CD48: variants seen among roughly 807,000 people sequenced by gnomAD.
CD48 encodes CD48 antigen.
In CD48, 20 loss-of-function variants were observed where a neutral mutation model predicts 22.0. The observed-to-expected ratio is 0.91, with a 90% CI of 0.64 to 1.32. CD48 has a LOEUF of 1.32. Among genes scored for constraint, CD48 ranks in the 40% most tolerant of loss-of-function variants. CD48 has a pLI of 0.00. For missense variants in CD48, 307 were observed against 286.5 expected (o/e 1.07, Z -0.52); for synonymous variants, 110 against 110.1 (o/e 1.00, Z 0.01).
Position 160,682,377 on chromosome 1 carries a change from T to A in CD48, c.386-909A>T, listed in dbSNP as rs575400537. Among the ~76,000 whole-genome samples the A allele has an allele frequency of 9.3e-5, 14 of 150,708 alleles. No individual in the cohort carries two copies. The South Asian group carries it at 2.7e-3, about 29-fold the overall frequency. On this transcript the variant is annotated intron_variant, in intron 2 of 3. Coordinates refer to ENST00000368046, the MANE Select transcript of CD48 (RefSeq NM_001778.4). ...TACTCAGGAGGCTGAGGTAGGAGGA[T>A]TGCTGGAGCCCAGGAGTTCCAGGGT...
At position 160,691,068 on chromosome 1, in the gene CD48, C is replaced by T. The variant is rs1386041159; in HGVS notation, c.83-5879G>A. Among the ~76,000 whole-genome samples, 4 of 152,132 alleles carry T rather than the reference C, an allele frequency of 2.6e-5. No individual in the cohort carries two copies. The East Asian group carries it at 7.7e-4, about 29-fold the overall frequency. On this transcript the variant is annotated intron_variant, in intron 1 of 3. Coordinates refer to ENST00000368046, the MANE Select transcript of CD48 (RefSeq NM_001778.4). ...CTCCCTAATCTCAAGTACCCAGGGA[C>T]ACAAAAACTGCGGAAGCCTGCAGGG...
At chr1:160,700,586 G>C (rs1662596202) in intron 1 of CD48, among the ~76,000 whole-genome samples, 1 of 152,088 alleles carries the variant, frequency 6.6e-6, no homozygotes, top group South Asian at 2.1e-4. Context: ...CTAGATAACT[G>C]GGCAGTCTGG....
intron 3 of CD48, chr1:160,680,916 G>A (rs1260413754): frequency 5.6e-6 from 8 of 1,425,854 alleles, no homozygotes; most frequent in South Asian, 4.6e-5. Context: ...GGCCTCAGAT[G>A]TTAGGACTAT....
intron 1 of CD48, among the ~76,000 whole-genome samples, chr1:160,709,937 A>G (rs1433668317): frequency 6.6e-6 from 1 of 152,184 alleles, no homozygotes. Flanking sequence ...TGAGGTTCCC[A>G]TCTAACCATG....
chr1:160,710,356 G>GT (rs1226250040), intron 1 of CD48, among the ~76,000 whole-genome samples: 1 of 152,186 alleles, frequency 6.6e-6, no homozygotes, highest in Non-Finnish European at 1.5e-5. Context: ...CTGACACACA[G>GT]TAAGTGCTTA....
intron 1 of CD48, among the ~76,000 whole-genome samples, chr1:160,696,348 G>A (rs1368049115): frequency 6.6e-6 from 1 of 152,294 alleles, no homozygotes; most frequent in Non-Finnish European, 1.5e-5. Flanking sequence ...AGTTAAACCA[G>A]CTATTCAATT....
At chr1:160,700,968 T>A (rs1404402695) in intron 1 of CD48, among the ~76,000 whole-genome samples, 1 of 152,028 alleles carries the variant, frequency 6.6e-6, no homozygotes, top group East Asian at 1.9e-4. Flanking sequence ...AATTAAAATA[T>A]CATCAATATA....
At chr1:160,700,806 T>C (rs991189600) in intron 1 of CD48, among the ~76,000 whole-genome samples, 10 of 152,298 alleles carry the variant, frequency 6.6e-5, no homozygotes, top group Admixed American at 5.2e-4. Flanking sequence ...TTTGAACTTT[T>C]TGAGGTTGAA....
In CD48 at chr1:160,686,971, T is replaced by A. The variant is rs80097561; in HGVS notation, c.83-1782A>T. Among the ~76,000 whole-genome samples the A allele has an allele frequency of 2.8e-3, 432 of 152,284 alleles. 2 individuals carry two copies. Among genetic ancestry groups the A allele is most frequent in the African/African-American group, 9.9e-3 (411 of 41,546 alleles). On this transcript the variant is annotated intron_variant, in intron 1 of 3. Coordinates refer to ENST00000368046, the MANE Select transcript of CD48 (RefSeq NM_001778.4). ...ATCAACCAGTCTGACCAAAATTTATTAGGCAGGAGTTTTCTCTTCCTAATA... is the reference window on the plus strand; with the variant it reads ...ATCAACCAGTCTGACCAAAATTTATAAGGCAGGAGTTTTCTCTTCCTAATA...
chr1:160,693,396 A>G (rs1478399425), intron 1 of CD48, among the ~76,000 whole-genome samples: 1 of 152,220 alleles, frequency 6.6e-6, no homozygotes, highest in East Asian at 1.9e-4. Context: ...GCAGGATCAG[A>G]TGTAATCTCA....
Position 160,681,136 on chromosome 1 carries a change from C to G in CD48, c.652+66G>C, listed in dbSNP as rs771834935. 2.5e-6 allele frequency: 4 copies of G among 1,612,448 alleles called. No homozygotes were observed. In the African/African-American group the frequency reaches 4.0e-5, roughly 16 times the overall value. On this transcript the variant is annotated intron_variant, in intron 3 of 3. Coordinates refer to ENST00000368046, the MANE Select transcript of CD48 (RefSeq NM_001778.4). The stretch of plus-strand genomic sequence containing the variant: ...CAAGGAGGCTGAATAGGACCCCCAG[C>G]CTTTCTTTGTTCAAAACAACTCCAG...
Position 160,678,759 on chromosome 1 carries a change from C to T in CD48, c.*293G>A, listed in dbSNP as rs1126644. Reference sequence around the variant, plus strand: ...CAACTTCAGGAATTCAGTTAATTGACAATTATATCAAATGTTTATTTTAAA... The same window carrying T: ...CAACTTCAGGAATTCAGTTAATTGATAATTATATCAAATGTTTATTTTAAA... On this transcript the variant is annotated 3_prime_UTR_variant, in exon 4 of 4. Coordinates refer to ENST00000368046, the MANE Select transcript of CD48 (RefSeq NM_001778.4). The T allele has an allele frequency of 0.76, 188,310 of 247,558 alleles. 72,184 individuals are homozygous for T. Among genetic ancestry groups the T allele is most frequent in the African/African-American group, 0.81 (35,645 of 44,026 alleles). 15.3% of individuals were successfully genotyped at this position (247,558 alleles called of 1,614,324 possible). A position where few individuals can be genotyped will look rare whatever the true frequency, so the allele number is the denominator to read the frequency against.
chr1:160,684,287 A>T (rs1661911053), intron 2 of CD48: 1 of 153,936 alleles, frequency 6.5e-6, no homozygotes, highest in African/African-American at 2.4e-5. Flanking sequence ...CTATCAAAAG[A>T]ATCTTACCTA....
At chr1:160,685,832 A>G (rs1184515195) in intron 1 of CD48, among the ~76,000 whole-genome samples, 1 of 152,242 alleles carries the variant, frequency 6.6e-6, no homozygotes, top group African/African-American at 2.4e-5. Context: ...AGCCTTCCTA[A>G]TGAAGAGCCA....
chr1:160,698,464 A>T (rs200903590), intron 1 of CD48, among the ~76,000 whole-genome samples: 8 of 152,156 alleles, frequency 5.3e-5, no homozygotes, highest in Non-Finnish European at 8.8e-5. Context: ...CAGGAGTTGC[A>T]TTGCACTCTT....
At position 160,704,693 on chromosome 1, in the gene CD48, T is replaced by C. The variant is rs992974086; in HGVS notation, c.82+6989A>G. Among the ~76,000 whole-genome samples the C allele has an allele frequency of 7.2e-5, 11 of 152,360 alleles. No individual in the cohort carries two copies. The East Asian group carries it at 1.7e-3, about 24-fold the overall frequency. Reference sequence around the variant, plus strand: ...CATGTTCTTTGTAGTATTTGTATTTTTTTAACCTGAACTAATTCCCTGGGA... The same window carrying C: ...CATGTTCTTTGTAGTATTTGTATTTCTTTAACCTGAACTAATTCCCTGGGA... On this transcript the variant is annotated intron_variant, in intron 1 of 3. Coordinates refer to ENST00000368046, the MANE Select transcript of CD48 (RefSeq NM_001778.4).
chr1:160,689,672 T>C (rs1341184363), intron 1 of CD48, among the ~76,000 whole-genome samples: 1 of 152,186 alleles, frequency 6.6e-6, no homozygotes, highest in Non-Finnish European at 1.5e-5. Context: ...TGCCTGTTTC[T>C]GAGGAGTCAG....
chr1:160,706,706 C>T (rs1280592336), intron 1 of CD48, among the ~76,000 whole-genome samples: 5 of 152,066 alleles, frequency 3.3e-5, no homozygotes, highest in South Asian at 4.2e-4. Flanking sequence ...TTAATGAACT[C>T]GCTTTCACTT....
In CD48 at chr1:160,697,754, T is replaced by C. The variant is rs150744651; in HGVS notation, c.83-12565A>G. ...ATGTGTGGCCAATAGTGTGGTGATATTACAAAACAATGAATTCGAAACTAT... is the reference window on the plus strand; with the variant it reads ...ATGTGTGGCCAATAGTGTGGTGATACTACAAAACAATGAATTCGAAACTAT... On this transcript the variant is annotated intron_variant, in intron 1 of 3. Transcript: ENST00000368046. Among the ~76,000 whole-genome samples the C allele has an allele frequency of 8.2e-3, 1,243 of 152,212 alleles. 18 individuals carry two copies. Among genetic ancestry groups the C allele is most frequent in the African/African-American group, 0.029 (1,189 of 41,510 alleles).
Sources: gnomAD v4.1 joint callset for allele counts (sites outside exome capture counted in the v4.1 genomes callset) on GRCh38, gnomAD v4.1.1 for gene constraint, MANE v1.5 for transcripts, NCBI Gene and HGNC (gene_info 2026-07-23, HGNC 2026-07-21) for gene names.